CNTLN: variants seen among roughly 807,000 people sequenced by gnomAD.
CNTLN encodes centlein, also known as centlein, centrosomal protein.
CNTLN carries 212 observed loss-of-function variants against 180.0 expected under a neutral mutation model. The observed-to-expected ratio is 1.18, with a 90% CI of 1.05 to 1.32. The LOEUF (loss-of-function observed/expected upper bound fraction) is 1.32, where lower values mean the gene tolerates loss of function less well. CNTLN is among the 40% of genes most tolerant of loss of function. CNTLN has a pLI of 0.00. For missense variants in CNTLN, 2,095 were observed against 1,610.9 expected, an observed-to-expected ratio of 1.30 and a Z score of -5.14; for synonymous variants, 722 against 563.1, an observed-to-expected ratio of 1.28 and a Z score of -3.99.
intron 18 of CNTLN, among the ~76,000 whole-genome samples, chr9:17,433,634 TTTG>T (rs1829564903): frequency 6.6e-6 from 1 of 152,086 alleles, no homozygotes; most frequent in African/African-American, 2.4e-5. Context: ...TTGTTTCTTT[TTTG>T]TTGTTGTTGA....
chr9:17,332,624 C>G lies in CNTLN; in HGVS notation c.1538C>G (p.Ser513Ter), dbSNP rs1164470828. ...CTCGAGGAACCACCTGTGAAACGTT[C>G]AAGGTCTTTGTCCCCAAAGAGCTCT... ...GKHKEPPVKRSRSLSPKSSFT... is the reference protein window; with the variant it reads ...GKHKEPPVKR The change falls in exon 10 of 26, where the codon TCA (serine) becomes TGA (stop). Residue 513 changes from serine to a stop codon, truncating the protein, a stop_gained. Coordinates refer to ENST00000380647, the MANE Select transcript of CNTLN (RefSeq NM_017738.4). LOFTEE classifies it high-confidence loss of function. The G allele has an allele frequency of 1.2e-6, 2 of 1,607,912 alleles. No individual in the cohort carries two copies. The highest frequency in any genetic ancestry group is 1.1e-5 in the South Asian group (1 of 89,820).
intron 5 of CNTLN, among the ~76,000 whole-genome samples, chr9:17,237,375 A>G (rs1019028194): frequency 7.3e-6 from 1 of 137,114 alleles, no homozygotes; most frequent in Non-Finnish European, 1.6e-5. Flanking sequence ...ACACACACAC[A>G]CACACACACA....
chr9:17,469,726 C>T (rs1428056166), intron 23 of CNTLN, among the ~76,000 whole-genome samples: 1 of 151,836 alleles, frequency 6.6e-6, no homozygotes, highest in African/African-American at 2.4e-5. Context: ...TTTCTTTTCA[C>T]CCAAAATGCC....
chr9:17,265,219 A>G (rs1263409045), intron 5 of CNTLN, among the ~76,000 whole-genome samples: 1 of 151,208 alleles, frequency 6.6e-6, no homozygotes, highest in Non-Finnish European at 1.5e-5. Flanking sequence ...CGTCCCATCA[A>G]TACCTAATTT....
intron 8 of CNTLN, among the ~76,000 whole-genome samples, chr9:17,325,785 C>T (rs895206134): frequency 6.6e-6 from 1 of 151,842 alleles, no homozygotes; most frequent in Admixed American, 6.6e-5. Context: ...GAACTAAACA[C>T]TTTTTTGCTA....
intron 5 of CNTLN, among the ~76,000 whole-genome samples, chr9:17,266,368 T>C (rs1827444129): frequency 1.3e-5 from 2 of 152,202 alleles, no homozygotes; most frequent in African/African-American, 4.8e-5. Flanking sequence ...TTCTTAATCC[T>C]GAGTTCTAGT....
chr9:17,451,604 G>A (rs1395447283), intron 18 of CNTLN, among the ~76,000 whole-genome samples: 1 of 152,106 alleles, frequency 6.6e-6, no homozygotes, highest in Non-Finnish European at 1.5e-5. Flanking sequence ...TTTTACTCTG[G>A]TTACTGATTG....
chr9:17,486,182 A>G (rs555112166), intron 24 of CNTLN, among the ~76,000 whole-genome samples: 198 of 152,282 alleles, frequency 1.3e-3, no homozygotes, highest in Non-Finnish European at 2.1e-3. Flanking sequence ...GCCCAAGCAG[A>G]GCCCAGATCA....
chr9:17,463,573 A>G (rs376745176), intron 20 of CNTLN, among the ~76,000 whole-genome samples: 85 of 151,792 alleles, frequency 5.6e-4, no homozygotes, highest in African/African-American at 1.8e-3. Context: ...TGTCACTGAT[A>G]CATTTGAGAT....
At chr9:17,221,046 T>C (rs1254009471) in intron 2 of CNTLN, among the ~76,000 whole-genome samples, 1 of 152,300 alleles carries the variant, frequency 6.6e-6, no homozygotes, top group East Asian at 1.9e-4. Context: ...CTGTAGTTAA[T>C]GCTTTGACTT....
intron 16 of CNTLN, among the ~76,000 whole-genome samples, chr9:17,411,540 G>A (rs1345380909): frequency 2.0e-5 from 3 of 152,180 alleles, no homozygotes; most frequent in Non-Finnish European, 4.4e-5. Flanking sequence ...CTGGGCTGCA[G>A]ACTGGCACCT....
intron 2 of CNTLN, among the ~76,000 whole-genome samples, chr9:17,204,137 A>G (rs1448117666): frequency 6.6e-6 from 1 of 152,074 alleles, no homozygotes; most frequent in Non-Finnish European, 1.5e-5. Flanking sequence ...GTTTGCTATT[A>G]CCCACCTTCT....
intron 2 of CNTLN, among the ~76,000 whole-genome samples, chr9:17,201,848 G>A (rs546232383): frequency 6.6e-6 from 1 of 151,818 alleles, no homozygotes; most frequent in South Asian, 2.1e-4. Flanking sequence ...ATTCTGCTCT[G>A]ATCTTAGTTA....
chr9:17,281,682 ATCTT>A (rs1341041296), intron 6 of CNTLN, among the ~76,000 whole-genome samples: 1 of 152,094 alleles, frequency 6.6e-6, no homozygotes, highest in Non-Finnish European at 1.5e-5. Context: ...TATCCAGTCT[ATCTT>A]TGATGGGCAT....
intron 16 of CNTLN, among the ~76,000 whole-genome samples, chr9:17,411,514 C>T (rs562023680): frequency 2.6e-5 from 4 of 152,290 alleles, no homozygotes; most frequent in Admixed American, 6.5e-5. Context: ...TGACCTCCTC[C>T]TGGGATCCCT....
chr9:17,448,310 A>T (rs1308460051), intron 18 of CNTLN: 1 of 152,594 alleles, frequency 6.6e-6, no homozygotes, highest in African/African-American at 2.4e-5. Context: ...CATTACCTCA[A>T]TGAGATTTTT....
intron 2 of CNTLN, among the ~76,000 whole-genome samples, chr9:17,206,317 A>G (rs931250124): frequency 2.6e-5 from 4 of 152,210 alleles, no homozygotes; most frequent in Non-Finnish European, 5.9e-5. Flanking sequence ...AATAAGCTAC[A>G]TGTAGAAAAA....
In CNTLN at chr9:17,423,413, G is replaced by A. The variant is rs561292396; in HGVS notation, c.3114+7224G>A. Among the ~76,000 whole-genome samples the A allele has an allele frequency of 2.0e-4, 31 of 152,154 alleles. No individual in the cohort carries two copies. In the South Asian group the frequency reaches 5.2e-3, roughly 25 times the overall value. On this transcript the variant is annotated intron_variant, in intron 18 of 25. Transcript: ENST00000380647. Reference sequence around the variant, plus strand: ...CTGCTTGGTGATTTATTTTACTGTGGCAGAGCTTTTACCCAAGTTGCAAGA... The same window carrying A: ...CTGCTTGGTGATTTATTTTACTGTGACAGAGCTTTTACCCAAGTTGCAAGA...
In CNTLN at chr9:17,251,018, G is replaced by T. The variant is rs530058523; in HGVS notation, c.849+14430G>T. 3.9e-5 allele frequency among the ~76,000 whole-genome samples: 6 copies of T among 152,030 alleles called. No individual in the cohort carries two copies. In the South Asian group the frequency reaches 1.2e-3, roughly 32 times the overall value. ...TTTTAAGGACAGTTTTTGCTGGATA[G>T]AAAATTCAAGGTTAATATTTGTTTT... On this transcript the variant is annotated intron_variant, in intron 5 of 25. Coordinates refer to ENST00000380647, the MANE Select transcript of CNTLN (RefSeq NM_017738.4).
Sources: allele counts gnomAD v4.1 joint callset (sites outside exome capture counted in the v4.1 genomes callset), GRCh38; gene constraint gnomAD v4.1.1; transcripts MANE v1.5; gene names NCBI Gene and HGNC (gene_info 2026-07-23, HGNC 2026-07-21).